EDA: variants seen among roughly 807,000 people sequenced by gnomAD.
EDA encodes ectodysplasin-A.
In EDA, 2 loss-of-function variants were observed where a neutral mutation model predicts 23.6. The ratio of observed to expected loss-of-function variants is 0.08; its 90% CI spans 0.03 to 0.27. The LOEUF is 0.27. Ranked by LOEUF, EDA falls within the 10% of genes least tolerant of loss-of-function variation. The pLI is 1.00. For missense variants in EDA, 229 were observed against 324.2 expected (o/e 0.71, Z 2.26); for synonymous variants, 131 against 132.0 (o/e 0.99, Z 0.05).
chrX:69,678,895 G>T (rs1416928692), intron 1 of EDA, among the ~76,000 whole-genome samples: 1 of 88,883 alleles, frequency 1.1e-5, no homozygotes, highest in African/African-American at 4.5e-5. Flanking sequence ...TCCCTGTCTT[G>T]TGCCAGTTTT....
At chrX:69,673,559 C>G (rs1485696263) in intron 1 of EDA, among the ~76,000 whole-genome samples, 1 of 97,988 alleles carries the variant, frequency 1.0e-5, no homozygotes, top group African/African-American at 3.9e-5. Flanking sequence ...AAAAATACAT[C>G]CTACACCCAG....
At chrX:69,639,767 TGTA>T (rs955259377) in intron 1 of EDA, among the ~76,000 whole-genome samples, 5 of 112,165 alleles carry the variant, frequency 4.5e-5, no homozygotes, top group African/African-American at 9.7e-5. Flanking sequence ...TAAATATTAA[TGTA>T]GTCCAATTTA....
chrX:69,760,949 A>G (rs909960153), intron 1 of EDA, among the ~76,000 whole-genome samples: 3 of 111,362 alleles, frequency 2.7e-5, no homozygotes, highest in African/African-American at 9.8e-5. Flanking sequence ...TCCTGGGGGC[A>G]CTGGGAAGCC....
intron 1 of EDA, among the ~76,000 whole-genome samples, chrX:69,872,345 A>G (rs2017578466): frequency 8.9e-6 from 1 of 112,040 alleles, no homozygotes; most frequent in African/African-American, 3.2e-5. Flanking sequence ...ACAAACAAAA[A>G]AACAAAGTAT....
intron 2 of EDA, among the ~76,000 whole-genome samples, chrX:70,011,455 C>T (rs766284868): frequency 8.2e-5 from 9 of 109,466 alleles, no homozygotes; most frequent in African/African-American, 2.3e-4. Context: ...CTCAGCCTCC[C>T]GAGTAGCTGG....
chrX:69,903,726 A>C lies in EDA; in HGVS notation c.397-53301A>C, dbSNP rs576426078. On this transcript the variant is annotated intron_variant, in intron 1 of 7. Transcript: ENST00000374552. ...AAAAAAAGTATTTTAAAAATTATTAAATTTTTAAAAATTTTTTTTGAAAAT... is the reference window on the plus strand; with the variant it reads ...AAAAAAAGTATTTTAAAAATTATTACATTTTTAAAAATTTTTTTTGAAAAT... Among the ~76,000 whole-genome samples, 77 of 110,277 alleles carry C rather than the reference A, an allele frequency of 7.0e-4. No homozygotes were observed. The South Asian group carries it at 0.028, about 40-fold the overall frequency.
At chrX:69,664,297 G>A (rs1933607778) in intron 1 of EDA, among the ~76,000 whole-genome samples, 1 of 111,386 alleles carries the variant, frequency 9.0e-6, no homozygotes, top group South Asian at 3.8e-4. Flanking sequence ...CAAGGGGCGT[G>A]TCTTTTCCAC....
chrX:69,880,770 G>T (rs908153912), intron 1 of EDA, among the ~76,000 whole-genome samples: 1 of 111,842 alleles, frequency 8.9e-6, no homozygotes, highest in Non-Finnish European at 1.9e-5. Context: ...CACTTCGTTG[G>T]CTTCAAACAT....
rs772567908 is a variant in EDA at position 69,833,899 on chromosome X, C to A, written c.397-123128C>A. Among the ~76,000 whole-genome samples the A allele has an allele frequency of 1.9e-4, 21 of 108,306 alleles. No homozygotes were observed. In the South Asian group the frequency reaches 3.4e-3, roughly 18 times the overall value. The allele number at this position is 108,306 out of a possible 115,157, so 94.1% of individuals were successfully genotyped here. On this transcript the variant is annotated intron_variant, in intron 1 of 7. Transcript: ENST00000374552. ...ACAGGTGCCATGTTAGTGTGCTGCA[C>A]CCATTAACTCGTCATTTACATTAGG...
At position 69,712,811 on chromosome X, in the gene EDA, C is replaced by G. The variant is rs764823973; in HGVS notation, c.396+96107C>G. 2.6e-4 allele frequency among the ~76,000 whole-genome samples: 29 copies of G among 111,192 alleles called. 1 individual carries two copies. In the East Asian group the frequency reaches 6.6e-3, roughly 25 times the overall value. On this transcript the variant is annotated intron_variant, in intron 1 of 7. Coordinates refer to ENST00000374552, the MANE Select transcript of EDA (RefSeq NM_001399.5). ...CAATAGCAAAGACTTGGAACCAACCCAAATGTCCAACAATGATAGACTGGA... is the reference window on the plus strand; with the variant it reads ...CAATAGCAAAGACTTGGAACCAACCGAAATGTCCAACAATGATAGACTGGA...
At chrX:69,901,710 T>C (rs1169072656) in intron 1 of EDA, among the ~76,000 whole-genome samples, 1 of 111,163 alleles carries the variant, frequency 9.0e-6, no homozygotes, top group Non-Finnish European at 1.9e-5. Flanking sequence ...TATGGATCCA[T>C]GTGAGGTTAT....
At chrX:69,762,763 G>A (rs1257362078) in intron 1 of EDA, among the ~76,000 whole-genome samples, 1 of 111,993 alleles carries the variant, frequency 8.9e-6, no homozygotes, top group Non-Finnish European at 1.9e-5. Context: ...CTCGATTGAA[G>A]TATGAAATTA....
intron 1 of EDA, among the ~76,000 whole-genome samples, chrX:69,842,484 T>G (rs1293643633): frequency 8.9e-6 from 1 of 112,315 alleles, no homozygotes; most frequent in Non-Finnish European, 1.9e-5. Flanking sequence ...AAAAATTGTC[T>G]TCCACAAAAC....
At chrX:69,633,033 A>T (rs1295133719) in intron 1 of EDA, among the ~76,000 whole-genome samples, 1 of 111,671 alleles carries the variant, frequency 9.0e-6, no homozygotes, top group Non-Finnish European at 1.9e-5. Flanking sequence ...TTCTGAAAAG[A>T]GTGGAATAAA....
chrX:69,927,812 C>T (rs1378910206), intron 1 of EDA, among the ~76,000 whole-genome samples: 2 of 110,657 alleles, frequency 1.8e-5, no homozygotes, highest in Non-Finnish European at 3.8e-5. Flanking sequence ...CCTGGTGCTA[C>T]CATGTTGCCC....
intron 1 of EDA, among the ~76,000 whole-genome samples, chrX:69,847,181 T>C (rs1051259447): frequency 1.8e-5 from 2 of 111,640 alleles, no homozygotes; most frequent in African/African-American, 6.5e-5. Flanking sequence ...AGTACCTTTC[T>C]AGCACCAATG....
intron 2 of EDA, among the ~76,000 whole-genome samples, chrX:70,010,707 A>G (rs1214185413): frequency 1.8e-5 from 2 of 112,098 alleles, no homozygotes; most frequent in African/African-American, 6.5e-5. Flanking sequence ...TATAAAGAAA[A>G]AAGGTTTAAT....
rs778241472 is a variant in EDA, at chrX:69,937,936, G to A, written c.397-19091G>A. Reference sequence around the variant, plus strand: ...TAATTATATTTTCGGATAACTTGATGAATTTTCTTCATCTCTTCATCCACG... The same window carrying A: ...TAATTATATTTTCGGATAACTTGATAAATTTTCTTCATCTCTTCATCCACG... On this transcript the variant is annotated intron_variant, in intron 1 of 7. Transcript: ENST00000374552. 9.4e-5 allele frequency: 113 copies of A among 1,202,192 alleles called. No individual in the cohort carries two copies. In the Admixed American group the frequency reaches 1.0e-3, roughly 11 times the overall value.
At chrX:69,629,485 T>G (rs1417051432) in intron 1 of EDA, among the ~76,000 whole-genome samples, 1 of 112,202 alleles carries the variant, frequency 8.9e-6, no homozygotes, top group African/African-American at 3.2e-5. Flanking sequence ...CAACGCTAAC[T>G]GTACTCTTTT....
Sources: gnomAD v4.1 joint callset for allele counts (sites outside exome capture counted in the v4.1 genomes callset) on GRCh38, gnomAD v4.1.1 for gene constraint, MANE v1.5 for transcripts, NCBI Gene and HGNC (gene_info 2026-07-23, HGNC 2026-07-21) for gene names.